DIAPH2: variants seen among roughly 807,000 people sequenced by gnomAD.
DIAPH2 encodes protein diaphanous homolog 2.
A neutral mutation model predicts 92.7 loss-of-function variants in DIAPH2; 35 were observed. That is an observed-to-expected ratio of 0.38 (90% CI 0.29 to 0.50). The LOEUF (loss-of-function observed/expected upper bound fraction) is 0.50. Ranked by LOEUF, DIAPH2 falls within the 20% of genes least tolerant of loss-of-function variation. The pLI, the probability that DIAPH2 is intolerant of heterozygous loss-of-function variation, is 0.94. For missense variants in DIAPH2, 701 were observed against 819.5 expected (o/e 0.86, Z 1.77); for synonymous variants, 301 against 280.4 (o/e 1.07, Z -0.73).
At chrX:97,370,251 A>C (rs1014262627) in intron 24 of DIAPH2, among the ~76,000 whole-genome samples, 5 of 111,661 alleles carry the variant, frequency 4.5e-5, no homozygotes, top group Admixed American at 1.9e-4. Context: ...CTCATCACCC[A>C]AAGGACAGAT....
intron 14 of DIAPH2, among the ~76,000 whole-genome samples, chrX:96,948,154 T>C (rs1338984244): frequency 8.9e-6 from 1 of 112,813 alleles, no homozygotes; most frequent in Non-Finnish European, 1.9e-5. Flanking sequence ...TTCCAATTTG[T>C]ATTAATATAC....
chrX:96,835,844 A>C (rs891395084), intron 4 of DIAPH2, among the ~76,000 whole-genome samples: 10 of 110,332 alleles, frequency 9.1e-5, no homozygotes, highest in African/African-American at 3.3e-4. Context: ...GCAGAGTCTC[A>C]CTCCAGTTGC....
intron 21 of DIAPH2, among the ~76,000 whole-genome samples, chrX:97,138,381 A>AAATC (rs1305071131): frequency 1.4e-5 from 1 of 72,865 alleles, no homozygotes; most frequent in Non-Finnish European, 3.0e-5. Flanking sequence ...AGGAAAAAGA[A>AAATC]ATGATCAAAA....
chrX:97,254,918 C>A (rs1267968256), intron 23 of DIAPH2, among the ~76,000 whole-genome samples: 2 of 109,755 alleles, frequency 1.8e-5, no homozygotes, highest in African/African-American at 6.6e-5. Context: ...ATTGGCCAGG[C>A]TGGTCTCGAA....
intron 24 of DIAPH2, among the ~76,000 whole-genome samples, chrX:97,369,055 G>T (rs2069414878): frequency 9.1e-6 from 1 of 109,766 alleles, no homozygotes; most frequent in Non-Finnish European, 1.9e-5. Flanking sequence ...TTACAGGCAT[G>T]CACAACCACG....
chrX:96,850,959 C>T (rs1053803057), intron 4 of DIAPH2, among the ~76,000 whole-genome samples: 3 of 111,717 alleles, frequency 2.7e-5, no homozygotes, highest in Non-Finnish European at 3.8e-5. Flanking sequence ...AAGATTTTGC[C>T]TAGATCTTAT....
chrX:96,988,028 T>C (rs1214955090), intron 17 of DIAPH2, among the ~76,000 whole-genome samples: 1 of 110,248 alleles, frequency 9.1e-6, no homozygotes, highest in Non-Finnish European at 1.9e-5. Flanking sequence ...TTCCAGAAAG[T>C]ATGGGTTCCT....
intron 23 of DIAPH2, among the ~76,000 whole-genome samples, chrX:97,268,960 G>A (rs976569787): frequency 1.9e-5 from 2 of 105,415 alleles, no homozygotes; most frequent in African/African-American, 3.5e-5. Flanking sequence ...AGGTTCCAGC[G>A]ATTCTCCTGC....
chrX:96,778,716 T>TA (rs1289035842), intron 4 of DIAPH2, among the ~76,000 whole-genome samples: 8 of 111,059 alleles, frequency 7.2e-5, no homozygotes, highest in Non-Finnish European at 1.1e-4. Context: ...GTCCTAGACT[T>TA]AAAAAAAAAT....
intron 23 of DIAPH2, among the ~76,000 whole-genome samples, chrX:97,262,395 G>A (rs760078193): frequency 9.8e-5 from 11 of 111,856 alleles, no homozygotes; most frequent in Non-Finnish European, 2.1e-4. Context: ...TGCAGAGGCT[G>A]TAAGGAATGA....
chrX:96,990,339 A>G (rs2066060995), intron 17 of DIAPH2, among the ~76,000 whole-genome samples: 1 of 111,977 alleles, frequency 8.9e-6, no homozygotes, highest in South Asian at 3.7e-4. Flanking sequence ...TTAGGGGCTG[A>G]AATTTGACAC....
intron 3 of DIAPH2, among the ~76,000 whole-genome samples, chrX:96,741,051 A>C (rs2064116260): frequency 9.2e-6 from 1 of 109,188 alleles, no homozygotes; most frequent in African/African-American, 3.3e-5. Flanking sequence ...TAGTATCTGC[A>C]TTCATGTATC....
At chrX:96,701,904 C>T (rs2063857440) in intron 1 of DIAPH2, among the ~76,000 whole-genome samples, 1 of 111,178 alleles carries the variant, frequency 9.0e-6, no homozygotes, top group South Asian at 3.8e-4. Flanking sequence ...ATTATAAACA[C>T]GTAGGCATAG....
At chrX:96,891,511 A>G (rs142798027) in intron 5 of DIAPH2, among the ~76,000 whole-genome samples, 109 of 112,141 alleles carry the variant, frequency 9.7e-4, no homozygotes, top group Non-Finnish European at 1.9e-3. Flanking sequence ...GTGCCTGCTG[A>G]GAAATGACCA....
intron 1 of DIAPH2, among the ~76,000 whole-genome samples, chrX:96,733,596 G>A (rs1438806642): frequency 9.0e-6 from 1 of 111,712 alleles, no homozygotes; most frequent in Non-Finnish European, 1.9e-5. Flanking sequence ...GGAAAGTGTT[G>A]AGCCAAGGAG....
intron 1 of DIAPH2, among the ~76,000 whole-genome samples, chrX:96,716,101 A>G (rs1442925190): frequency 9.0e-6 from 1 of 111,313 alleles, no homozygotes; most frequent in African/African-American, 3.3e-5. Flanking sequence ...TGAGCCTTTA[A>G]TATAATAAGT....
At chrX:96,982,679 A>G (rs1192103126) in intron 17 of DIAPH2, among the ~76,000 whole-genome samples, 2 of 112,001 alleles carry the variant, frequency 1.8e-5, no homozygotes, top group Non-Finnish European at 3.8e-5. Flanking sequence ...ATCCCTATTA[A>G]TTATTGGCAT....
intron 26 of DIAPH2, among the ~76,000 whole-genome samples, chrX:97,481,979 G>A (rs1161160380): frequency 8.9e-6 from 1 of 112,084 alleles, no homozygotes; most frequent in Non-Finnish European, 1.9e-5. Context: ...TTCAAGTGAT[G>A]TTACTGCTTT....
chrX:97,385,454 A>G lies in DIAPH2; in HGVS notation c.3145+1410A>G, dbSNP rs562638704. Among the ~76,000 whole-genome samples the G allele has an allele frequency of 1.7e-4, 19 of 110,969 alleles. No individual in the cohort carries two copies. In the South Asian group the frequency reaches 5.4e-3, roughly 32 times the overall value. Reference sequence around the variant, plus strand: ...CACTGTGTTGACCAGGCTGGTCTCGAACTCCTGACCTCGTGATCCACCCAC... The same window carrying G: ...CACTGTGTTGACCAGGCTGGTCTCGGACTCCTGACCTCGTGATCCACCCAC... On this transcript the variant is annotated intron_variant, in intron 25 of 26. Transcript: ENST00000324765.
Sources: gnomAD v4.1 joint callset for allele counts (sites outside exome capture counted in the v4.1 genomes callset) on GRCh38, gnomAD v4.1.1 for gene constraint, MANE v1.5 for transcripts, NCBI Gene and HGNC (gene_info 2026-07-23, HGNC 2026-07-21) for gene names.